The following FARP1 variants were observed in gnomAD, a reference collection of about 807,000 sequenced individuals.
FARP1 encodes FERM, ARHGEF and pleckstrin domain-containing protein 1.
FARP1 carries 52 observed loss-of-function variants against 128.8 expected under a neutral mutation model. That is an observed-to-expected ratio of 0.40 (90% CI 0.32 to 0.51). The LOEUF is 0.51. Ranked by LOEUF, FARP1 falls within the 20% of genes least tolerant of loss-of-function variation. The pLI is 0.45. For synonymous variants in FARP1, 580 were observed against 551.8 expected (o/e 1.05, Z -0.72); for missense variants, 1,333 against 1,367.9 (o/e 0.97, Z 0.40).
intron 1 of FARP1, among the ~76,000 whole-genome samples, chr13:98,193,308 G>A (rs952160344): frequency 4.6e-5 from 7 of 151,930 alleles, no homozygotes; most frequent in Non-Finnish European, 8.8e-5. Flanking sequence ...CACCCGCCTC[G>A]GCCTCCCAAA....
intron 4 of FARP1, among the ~76,000 whole-genome samples, chr13:98,367,739 T>G (rs1237080165): frequency 1.3e-5 from 2 of 152,224 alleles, no homozygotes; most frequent in African/African-American, 2.4e-5. Flanking sequence ...TTATAAATAG[T>G]TAAATATAAT....
intron 2 of FARP1, among the ~76,000 whole-genome samples, chr13:98,223,663 T>G (rs1881569171): frequency 6.6e-6 from 1 of 152,244 alleles, no homozygotes; most frequent in African/African-American, 2.4e-5. Flanking sequence ...ACAAAGAATC[T>G]GTGGCTCTGG....
chr13:98,142,901 G>GGC (rs1191562670), upstream of FARP1: 1 of 151,588 alleles, frequency 6.6e-6, no homozygotes, highest in East Asian at 2.0e-4. Flanking sequence ...GATCCCCGGC[G>GGC]GCGCGCTGGG....
At chr13:98,239,433 C>T (rs987947728) in intron 2 of FARP1, among the ~76,000 whole-genome samples, 16 of 152,152 alleles carry the variant, frequency 1.1e-4, no homozygotes, top group Admixed American at 2.6e-4. Flanking sequence ...ATCAGCAGTG[C>T]GTTGACAAAG....
At chr13:98,412,629 T>C (rs1891234448) in intron 16 of FARP1, among the ~76,000 whole-genome samples, 1 of 152,216 alleles carries the variant, frequency 6.6e-6, no homozygotes, top group Non-Finnish European at 1.5e-5. Context: ...CAATAGCAGA[T>C]TGGTTAAAAA....
intron 2 of FARP1, among the ~76,000 whole-genome samples, chr13:98,254,390 C>T (rs79742913): frequency 0.014 from 2,099 of 152,140 alleles, 43 homozygotes; most frequent in African/African-American, 0.047. Flanking sequence ...TAGTATCTCT[C>T]TCCTTGTGTG....
chr13:98,255,927 C>T (rs1226822082), intron 2 of FARP1, among the ~76,000 whole-genome samples: 24 of 152,188 alleles, frequency 1.6e-4, no homozygotes. Flanking sequence ...GTCAGCCTCC[C>T]TTCCCAGCCC....
chr13:98,338,610 ATTC>A (rs1403435144), intron 2 of FARP1: 1 of 152,214 alleles, frequency 6.6e-6, no homozygotes, highest in Admixed American at 6.5e-5. Flanking sequence ...ATTGTGAATA[ATTC>A]TTCTGTGAAC....
At chr13:98,153,755 G>A (rs1316456185) in intron 1 of FARP1, among the ~76,000 whole-genome samples, 1 of 151,454 alleles carries the variant, frequency 6.6e-6, no homozygotes. Flanking sequence ...GTAGAGACGG[G>A]CTTTCATCAT....
intron 13 of FARP1, chr13:98,402,701 TA>T (rs1424811590): frequency 1.3e-5 from 2 of 152,216 alleles, no homozygotes; most frequent in Non-Finnish European, 2.9e-5. Flanking sequence ...GGCTGATGGA[TA>T]AATCCCTTAC....
intron 3 of FARP1, among the ~76,000 whole-genome samples, chr13:98,352,261 G>A (rs1862655191): frequency 6.6e-6 from 1 of 152,166 alleles, no homozygotes; most frequent in Non-Finnish European, 1.5e-5. Flanking sequence ...AAACAATAGG[G>A]CGTCTGATGG....
chr13:98,205,530 C>G (rs1306477367), intron 1 of FARP1, among the ~76,000 whole-genome samples: 1 of 152,038 alleles, frequency 6.6e-6, no homozygotes, highest in Non-Finnish European at 1.5e-5. Context: ...GTAGCTGGGA[C>G]TTCAGGTGCC....
intron 2 of FARP1, among the ~76,000 whole-genome samples, chr13:98,307,406 G>A (rs868057146): frequency 6.6e-5 from 10 of 152,038 alleles, no homozygotes; most frequent in South Asian, 4.2e-4. Flanking sequence ...CCCTTGCCCC[G>A]GTTTCCCCCA....
At chr13:98,342,910 G>C (rs1264308204) in intron 2 of FARP1, among the ~76,000 whole-genome samples, 2 of 151,832 alleles carry the variant, frequency 1.3e-5, no homozygotes, top group African/African-American at 4.8e-5. Context: ...TGTAATCCCA[G>C]CTACTCCAGT....
intron 2 of FARP1, among the ~76,000 whole-genome samples, chr13:98,286,990 G>A (rs573963580): frequency 5.3e-5 from 8 of 152,034 alleles, no homozygotes; most frequent in South Asian, 4.2e-4. Context: ...ATGTAGCATC[G>A]TACTGACCCA....
intron 24 of FARP1, among the ~76,000 whole-genome samples, chr13:98,441,967 T>C (rs1383364693): frequency 6.6e-6 from 1 of 152,166 alleles, no homozygotes; most frequent in Middle Eastern, 3.4e-3. Flanking sequence ...TCCAGGCCCA[T>C]AGCTGTGTTT....
At chr13:98,189,354 A>AG (rs1356983029) in intron 1 of FARP1, among the ~76,000 whole-genome samples, 1 of 152,180 alleles carries the variant, frequency 6.6e-6, no homozygotes, top group African/African-American at 2.4e-5. Flanking sequence ...TCTTAAATAA[A>AG]TGTTCTTTGT....
intron 3 of FARP1, chr13:98,345,372 C>CT (rs144691826): frequency 0.19 from 28,778 of 152,164 alleles, 2,967 homozygotes; most frequent in Non-Finnish European, 0.24. Flanking sequence ...TACCAGTTAG[C>CT]TAATGGCACA....
chr13:98,317,270 T>A (rs752024166), intron 2 of FARP1, among the ~76,000 whole-genome samples: 1 of 152,206 alleles, frequency 6.6e-6, no homozygotes, highest in Non-Finnish European at 1.5e-5. Flanking sequence ...TTTGTTTGTT[T>A]GATTTTAGAG....
Sources: allele counts gnomAD v4.1 joint callset (sites outside exome capture counted in the v4.1 genomes callset), GRCh38; gene constraint gnomAD v4.1.1; transcripts MANE v1.5; gene names NCBI Gene and HGNC (gene_info 2026-07-23, HGNC 2026-07-21).